The following NRXN3 variants were observed in gnomAD, a reference collection of about 807,000 sequenced individuals.
NRXN3 encodes neurexin III.
A neutral mutation model predicts 137.6 loss-of-function variants in NRXN3; 32 were observed. That is an observed-to-expected ratio of 0.23 (90% CI 0.18 to 0.31). The LOEUF is 0.31. NRXN3 is among the 10% of genes least tolerant of loss of function. The pLI, the probability that NRXN3 is intolerant of heterozygous loss-of-function variation, is 1.00. For synonymous variants in NRXN3, 798 were observed against 784.5 expected, an observed-to-expected ratio of 1.02 and a Z score of -0.29; for missense variants, 1,574 against 2,062.5, an observed-to-expected ratio of 0.76 and a Z score of 4.59.
chr14:79,118,711 G>A (rs890831362), intron 15 of NRXN3, among the ~76,000 whole-genome samples: 1 of 152,216 alleles, frequency 6.6e-6, no homozygotes, highest in African/African-American at 2.4e-5. Context: ...AGTGTAAGAA[G>A]TTTTATTTTC....
intron 1 of NRXN3, among the ~76,000 whole-genome samples, chr14:78,223,082 C>T (rs1567003698): frequency 6.6e-6 from 1 of 152,200 alleles, no homozygotes; most frequent in Non-Finnish European, 1.5e-5. Context: ...AAGTGTGAGA[C>T]ACAGTGCTTG....
intron 17 of NRXN3, among the ~76,000 whole-genome samples, chr14:79,673,044 A>G (rs1010407901): frequency 2.0e-5 from 3 of 152,010 alleles, no homozygotes; most frequent in Admixed American, 6.6e-5. Flanking sequence ...AAATCACTCA[A>G]TCGATTGTAA....
intron 12 of NRXN3, 24 bp from the exon 13 acceptor site, chr14:78,967,184 G>GTTTTTTTTTTTTTTTT: frequency 2.8e-6 from 4 of 1,421,226 alleles, no homozygotes; most frequent in Non-Finnish European, 2.9e-6. Flanking sequence ...TCCAATTATT[G>GTTTTTTTTTTTTTTTT]TTTTTTTTTT....
At chr14:78,612,398 G>C (rs1295358790) in intron 4 of NRXN3, among the ~76,000 whole-genome samples, 1 of 152,202 alleles carries the variant, frequency 6.6e-6, no homozygotes, top group African/African-American at 2.4e-5. Context: ...GTGTACATCT[G>C]TAGAAGGTAC....
At chr14:79,023,668 G>A (rs1008785024) in intron 15 of NRXN3, among the ~76,000 whole-genome samples, 1 of 152,106 alleles carries the variant, frequency 6.6e-6, no homozygotes, top group South Asian at 2.1e-4. Context: ...GGGAAGAAAG[G>A]CATCTTCTTC....
intron 15 of NRXN3, among the ~76,000 whole-genome samples, chr14:79,240,093 A>T (rs1454933944): frequency 5.3e-5 from 8 of 152,182 alleles, no homozygotes; most frequent in African/African-American, 1.9e-4. Context: ...AAATGGATAT[A>T]TTAATTAGTT....
At chr14:78,249,628 G>T (rs1020579509) in intron 2 of NRXN3, among the ~76,000 whole-genome samples, 3 of 152,074 alleles carry the variant, frequency 2.0e-5, no homozygotes, top group Non-Finnish European at 2.9e-5. Context: ...TTAGGGCAGG[G>T]CTCCAAAGGT....
rs2099413230 is a variant in NRXN3, at chr14:79,861,145, C to A, written c.4094-197C>A. 2 of 1,517,908 alleles carry A rather than the reference C, an allele frequency of 1.3e-6. No individual in the cohort carries two copies. The highest frequency in any genetic ancestry group is 2.8e-5 in the African/African-American group (2 of 72,206). 94.0% of individuals were successfully genotyped at this position (1,517,908 alleles called of 1,614,324 possible). Reference sequence around the variant, plus strand: ...TCCCCCCTACCTTTCGCCCCCTCCTCACCATTATTGAGACCACCAAAGATT... The same window carrying A: ...TCCCCCCTACCTTTCGCCCCCTCCTAACCATTATTGAGACCACCAAAGATT... On this transcript the variant is annotated intron_variant, in intron 20 of 20. Coordinates refer to ENST00000335750, the MANE Select transcript of NRXN3 (RefSeq NM_001330195.2). The surrounding 1 kb of genome is among the most constrained non-coding windows in gnomAD (Gnocchi z 5.4).
At chr14:79,537,883 G>C (rs993539420) in intron 16 of NRXN3, among the ~76,000 whole-genome samples, 1 of 152,148 alleles carries the variant, frequency 6.6e-6, no homozygotes, top group Non-Finnish European at 1.5e-5. Context: ...TTCCACAATG[G>C]TTGAACTAGT....
chr14:79,709,001 C>G (rs1307738187), intron 19 of NRXN3, among the ~76,000 whole-genome samples: 2 of 151,448 alleles, frequency 1.3e-5, no homozygotes, highest in South Asian at 2.1e-4. Flanking sequence ...GAGAGAGAGA[C>G]AGGGAGAGAG....
intron 15 of NRXN3, among the ~76,000 whole-genome samples, chr14:79,177,653 C>T (rs1410750829): frequency 2.0e-5 from 3 of 152,160 alleles, no homozygotes; most frequent in Non-Finnish European, 4.4e-5. Flanking sequence ...GAAACTCTTA[C>T]AGGTGTCTTT....
intron 15 of NRXN3, among the ~76,000 whole-genome samples, chr14:79,211,767 A>G (rs555550508): frequency 3.3e-5 from 5 of 152,312 alleles, no homozygotes; most frequent in Admixed American, 2.6e-4. Context: ...ATGACTTTCA[A>G]AAGCAACCCA....
intron 15 of NRXN3, among the ~76,000 whole-genome samples, chr14:79,446,488 A>G (rs1011688866): frequency 6.6e-5 from 10 of 152,056 alleles, no homozygotes; most frequent in African/African-American, 2.4e-4. Flanking sequence ...TCTTTTCATT[A>G]TTTTTGTTGC....
In NRXN3 at chr14:78,473,919, G is replaced by A. The variant is rs553771390; in HGVS notation, c.758-171201G>A. On this transcript the variant is annotated intron_variant, in intron 4 of 20. Transcript: ENST00000335750. ...TTACAAGGGACCCAAAAGAGCAAAC[G>A]TGTAAGTGTCAGTGTCTTTTGTTAC... Among the ~76,000 whole-genome samples the A allele has an allele frequency of 7.9e-5, 12 of 152,310 alleles. 1 individual carries two copies. In the South Asian group the frequency reaches 1.2e-3, roughly 16 times the overall value.
At chr14:79,584,202 C>A (rs943643208) in intron 16 of NRXN3, among the ~76,000 whole-genome samples, 11 of 152,074 alleles carry the variant, frequency 7.2e-5, no homozygotes, top group Non-Finnish European at 1.5e-4. Context: ...CCCCCAGGCC[C>A]CATAATCTTT....
At chr14:79,321,863 A>G (rs569776578) in intron 15 of NRXN3, among the ~76,000 whole-genome samples, 4 of 148,896 alleles carry the variant, frequency 2.7e-5, no homozygotes, top group African/African-American at 9.8e-5. Context: ...TATATAAACT[A>G]TATATAAATA....
intron 15 of NRXN3, among the ~76,000 whole-genome samples, chr14:79,147,710 G>A (rs1239812874): frequency 6.6e-6 from 1 of 152,082 alleles, no homozygotes; most frequent in East Asian, 1.9e-4. Context: ...ATATTCAGGA[G>A]GCAGGCAACA....
At chr14:78,765,945 A>G (rs997627291) in intron 8 of NRXN3, among the ~76,000 whole-genome samples, 1 of 152,120 alleles carries the variant, frequency 6.6e-6, no homozygotes, top group Non-Finnish European at 1.5e-5. Context: ...GGACTTTAGC[A>G]GTTTGTGACT....
chr14:79,495,963 A>T (rs1468009216), intron 16 of NRXN3, among the ~76,000 whole-genome samples: 1 of 151,752 alleles, frequency 6.6e-6, no homozygotes, highest in Non-Finnish European at 1.5e-5. Flanking sequence ...AAAAAAACAA[A>T]AAACAAAAAA....
Sources: allele counts gnomAD v4.1 joint callset (sites outside exome capture counted in the v4.1 genomes callset), GRCh38; gene constraint gnomAD v4.1.1; non-coding constraint Gnocchi (gnomAD v3.1); transcripts MANE v1.5; gene names NCBI Gene and HGNC (gene_info 2026-07-23, HGNC 2026-07-21).